LAIR1: variants seen among roughly 807,000 people sequenced by gnomAD.
LAIR1 encodes leukocyte-associated immunoglobulin-like receptor 1.
LAIR1 carries 24 observed loss-of-function variants against 32.8 expected under a neutral mutation model. The ratio of observed to expected loss-of-function variants is 0.73; its 90% CI spans 0.53 to 1.03. LAIR1 has a LOEUF of 1.03. Ranked by LOEUF, LAIR1 falls within the 50% of genes least tolerant of loss-of-function variation. The pLI is 0.00. For missense variants in LAIR1, 355 were observed against 347.5 expected, an observed-to-expected ratio of 1.02 and a Z score of -0.17; for synonymous variants, 150 against 140.5, an observed-to-expected ratio of 1.07 and a Z score of -0.48.
At chr19:54,359,107 G>A (rs571280392) in intron 4 of LAIR1, among the ~76,000 whole-genome samples, 37 of 149,962 alleles carry the variant, frequency 2.5e-4, no homozygotes, top group Non-Finnish European at 2.8e-4. Context: ...GATGGAGCAC[G>A]GCATCGCTCC....
At chr19:54,367,224 T>G (rs147532061), upstream of LAIR1, among the ~76,000 whole-genome samples, 209 of 152,312 alleles carry the variant, frequency 1.4e-3, no homozygotes, top group Middle Eastern at 6.8e-3. Flanking sequence ...ATCACTGCCT[T>G]GCTGACCAGT....
At chr19:54,363,202 G>A (rs1188390675) in intron 2 of LAIR1, among the ~76,000 whole-genome samples, 3 of 152,016 alleles carry the variant, frequency 2.0e-5, no homozygotes, top group Non-Finnish European at 4.4e-5. Flanking sequence ...GGGGAGCCAC[G>A]GAGGGGAGAG....
upstream of LAIR1, among the ~76,000 whole-genome samples, chr19:54,373,323 A>G (rs1367725051): frequency 1.3e-5 from 2 of 151,788 alleles, no homozygotes; most frequent in Admixed American, 6.5e-5. Flanking sequence ...GGGCACCTGT[A>G]GTCCCAGCTA....
At chr19:54,367,257 A>G (rs139888804), upstream of LAIR1, among the ~76,000 whole-genome samples, 832 of 152,328 alleles carry the variant, frequency 5.5e-3, 6 homozygotes, top group Admixed American at 0.024. Flanking sequence ...ACGTGGTGAC[A>G]GTAATGATCA....
Position 54,364,792 on chromosome 19 carries a change from G to T in LAIR1, c.13C>A (p.Pro5Thr). MSPHPTALLGLVLCL... is the reference protein window; with the variant it reads MSPHTTALLGLVLCL... ...TCACCTAGGCCCAGGAGGGCGGTGGGGTGGGGAGACATGGCCCAGGTCCCA... is the reference window on the plus strand; with the variant it reads ...TCACCTAGGCCCAGGAGGGCGGTGGTGTGGGGAGACATGGCCCAGGTCCCA... Residue 5 changes from proline to threonine, a missense_variant, in exon 1 of 10, where the codon CCC becomes ACC. Transcript: ENST00000391742. This position sits in a 1 kb window ranked among gnomAD's most constrained non-coding sequence, Gnocchi z 4.8. 8 of 1,614,044 alleles carry T rather than the reference G, an allele frequency of 5.0e-6. No individual in the cohort carries two copies. The highest frequency in any genetic ancestry group is 1.1e-5 in the South Asian group (1 of 91,076).
chr19:54,371,685 C>T (rs1320602936), upstream of LAIR1, among the ~76,000 whole-genome samples: 1 of 151,574 alleles, frequency 6.6e-6, no homozygotes, highest in African/African-American at 2.4e-5. Context: ...TCAATGTCTT[C>T]TTAATTCATT....
In LAIR1 at chr19:54,361,138, C is replaced by G. The variant is rs201618231; in HGVS notation, c.142G>C (p.Val48Leu). 1.4e-5 allele frequency: 23 copies of G among 1,614,170 alleles called. 1 individual carries two copies. In the East Asian group the frequency reaches 2.9e-4, roughly 20 times the overall value. Residue 48 changes from valine to leucine, a missense_variant, in exon 3 of 10, where the codon GTG becomes CTG. By Grantham distance (32) the Val-to-Leu change is conservative. Coordinates refer to ENST00000391742, the MANE Select transcript of LAIR1 (RefSeq NM_002287.6). ...VIPLGSHVTFVCRGPVGVQTF... is the reference protein window; with the variant it reads ...VIPLGSHVTFLCRGPVGVQTF... ...TGAACCCCAACCGGGCCCCGGCACACGAAAGTCACATGGCTCCCCAGGGGG... is the reference window on the plus strand; with the variant it reads ...TGAACCCCAACCGGGCCCCGGCACAGGAAAGTCACATGGCTCCCCAGGGGG...
At chr19:54,374,718 C>A (rs948817145), upstream of LAIR1, among the ~76,000 whole-genome samples, 2 of 152,124 alleles carry the variant, frequency 1.3e-5, no homozygotes, top group African/African-American at 4.8e-5. Context: ...GTTCCCAGAG[C>A]TCTTCAGGTG....
At chr19:54,365,645 A>G (rs2082228359), upstream of LAIR1, among the ~76,000 whole-genome samples, 1 of 152,108 alleles carries the variant, frequency 6.6e-6, no homozygotes, top group Non-Finnish European at 1.5e-5. Context: ...ACAAAAAATT[A>G]GCTGGGTGTG....
upstream of LAIR1, among the ~76,000 whole-genome samples, chr19:54,366,194 C>T (rs1028740854): frequency 5.3e-5 from 8 of 152,194 alleles, no homozygotes; most frequent in East Asian, 1.9e-4. Context: ...TCAGCAATAA[C>T]GTCTTGTTCA....
In LAIR1 at chr19:54,354,115, T is replaced by C. The variant is rs538834942; in HGVS notation, c.*1153A>G. ...TAGTGGTACATAGGGTAATTTTCTG[T>C]GTCAATCAGTACATCTGACCCTACA... On this transcript the variant is annotated 3_prime_UTR_variant, in exon 10 of 10. Coordinates refer to ENST00000391742, the MANE Select transcript of LAIR1 (RefSeq NM_002287.6). 6.6e-6 allele frequency: 1 copy of C among 152,304 alleles called. No homozygotes were observed. The highest frequency in any genetic ancestry group is 1.9e-4 in the East Asian group (1 of 5,188). The allele number at this position is 152,304 out of a possible 1,614,324, so 9.4% of individuals were successfully genotyped here.
At chr19:54,373,247 C>T (rs1156587794), upstream of LAIR1, among the ~76,000 whole-genome samples, 1 of 151,246 alleles carries the variant, frequency 6.6e-6, no homozygotes, top group Admixed American at 6.6e-5. Context: ...TCGAGACCAT[C>T]CTGGCCAACA....
chr19:54,365,378 G>A (rs183653387), upstream of LAIR1, among the ~76,000 whole-genome samples: 7 of 152,176 alleles, frequency 4.6e-5, no homozygotes, highest in East Asian at 3.9e-4. Context: ...TGGATCCCTC[G>A]CATACCACAG....
upstream of LAIR1, among the ~76,000 whole-genome samples, chr19:54,373,650 C>T (rs2082457219): frequency 6.6e-6 from 1 of 151,896 alleles, no homozygotes; most frequent in Admixed American, 6.6e-5. Flanking sequence ...AGAGTGAGAG[C>T]CAAGAGTGGT....
upstream of LAIR1, chr19:54,365,168 G>A (rs1175789370): frequency 1.4e-5 from 10 of 695,120 alleles, no homozygotes; most frequent in African/African-American, 3.8e-5. Context: ...CAAGTTAACG[G>A]TCGCAGCTCT....
At chr19:54,366,656 T>G (rs1406241369), upstream of LAIR1, among the ~76,000 whole-genome samples, 1 of 152,076 alleles carries the variant, frequency 6.6e-6, no homozygotes, top group Non-Finnish European at 1.5e-5. Context: ...GCCCGGCTAA[T>G]TTTTTGTATT....
At chr19:54,369,847 A>T (rs919639839), upstream of LAIR1, among the ~76,000 whole-genome samples, 9 of 151,126 alleles carry the variant, frequency 6.0e-5, 2 homozygotes, top group African/African-American at 2.2e-4. Flanking sequence ...AATATTTCAA[A>T]ACTATTCCAG....
At chr19:54,359,735 AGAG>A (rs1176648933) in intron 4 of LAIR1, 2 of 325,990 alleles carry the variant, frequency 6.1e-6, no homozygotes, top group Non-Finnish European at 5.4e-6. Context: ...TGCATATTAG[AGAG>A]GAGGAGGAGT....
In LAIR1 at chr19:54,360,822, C is replaced by CAGAG; in HGVS notation, c.364+93_364+94insCTCT. 4.6e-6 allele frequency: 6 copies of CAGAG among 1,290,538 alleles called. No homozygotes were observed. In the Admixed American group the frequency reaches 1.2e-4, roughly 26 times the overall value. The allele number at this position is 1,290,538 out of a possible 1,614,324, so 79.9% of individuals were successfully genotyped here. ...GGGTCAGGAGGAGGACAAGGTTGGC[C>CAGAG]ACAGAGGACAGCAGCTGGGACAGGG... On this transcript the variant is annotated intron_variant, in intron 3 of 9. Coordinates refer to ENST00000391742, the MANE Select transcript of LAIR1 (RefSeq NM_002287.6).
Sources: allele counts gnomAD v4.1 joint callset (sites outside exome capture counted in the v4.1 genomes callset), GRCh38; gene constraint gnomAD v4.1.1; non-coding constraint Gnocchi (gnomAD v3.1); transcripts MANE v1.5; gene names NCBI Gene and HGNC (gene_info 2026-07-23, HGNC 2026-07-21).